Variants in ALDH7A1 observed in about 807,000 individuals in gnomAD.
ALDH7A1 encodes the protein aldehyde dehydrogenase 7 family member A1, also known as alpha-aminoadipic semialdehyde dehydrogenase.
A neutral mutation model predicts 79.9 loss-of-function variants in ALDH7A1; 63 were observed. The observed-to-expected ratio is 0.79, with a 90% CI of 0.64 to 0.97. The LOEUF (loss-of-function observed/expected upper bound fraction) is 0.97. ALDH7A1 is among the 50% of genes least tolerant of loss of function. The pLI is 0.00. For missense variants in ALDH7A1, 627 were observed against 665.2 expected (o/e 0.94, Z 0.63); for synonymous variants, 240 against 231.2 (o/e 1.04, Z -0.34).
intron 9 of ALDH7A1, 117 bp from the exon 10 acceptor site, chr5:126,561,241 T>C: frequency 1.3e-6 from 1 of 768,778 alleles, no homozygotes; most frequent in Non-Finnish European, 2.1e-6. Flanking sequence ...ATTTTTTATA[T>C]AGCCTATCCC....
intron 11 of ALDH7A1, among the ~76,000 whole-genome samples, chr5:126,557,469 G>A (rs1750235877): frequency 6.6e-6 from 1 of 151,466 alleles, no homozygotes; most frequent in Admixed American, 6.6e-5. Flanking sequence ...TGCCTGTAGT[G>A]CCAGCTACTC....
intron 5 of ALDH7A1, among the ~76,000 whole-genome samples, chr5:126,579,567 G>A (rs1301640661): frequency 3.3e-5 from 5 of 152,008 alleles, no homozygotes; most frequent in African/African-American, 7.3e-5. Context: ...TAGACTACCC[G>A]GCACCTGATA....
At chr5:126,548,241 T>C (rs572313610) in intron 16 of ALDH7A1, among the ~76,000 whole-genome samples, 1 of 152,234 alleles carries the variant, frequency 6.6e-6, no homozygotes, top group East Asian at 1.9e-4. Context: ...CCTCAAACTC[T>C]TGGCTTAAGC....
In ALDH7A1 at chr5:126,543,333, C is replaced by T. The variant is rs1387496159; in HGVS notation, c.*1632G>A. On this transcript the variant is annotated 3_prime_UTR_variant, in exon 18 of 18. Coordinates refer to ENST00000409134, the MANE Select transcript of ALDH7A1 (RefSeq NM_001182.5). The stretch of plus-strand genomic sequence containing the variant: ...ATAAATTTGTTTCAAAGAAAGCTTT[C>T]AGAATCAGTTTTACCTAAAATCTAT... The T allele has an allele frequency of 6.6e-6, 1 of 152,100 alleles. No individual in the cohort carries two copies. The highest frequency in any genetic ancestry group is 1.5e-5 in the Non-Finnish European group (1 of 68,004). 9.4% of individuals were successfully genotyped at this position (152,100 alleles called of 1,614,324 possible). A position where few individuals can be genotyped will look rare whatever the true frequency, so the allele number is the denominator to read the frequency against.
At chr5:126,563,386 C>T (rs55787828) in intron 9 of ALDH7A1, among the ~76,000 whole-genome samples, 2,662 of 152,296 alleles carry the variant, frequency 0.017, 71 homozygotes, top group African/African-American at 0.06. Flanking sequence ...TTTTATTTAG[C>T]TGTTTCTCCA....
chr5:126,584,293 A>G (rs1195831939), intron 3 of ALDH7A1: 2 of 423,768 alleles, frequency 4.7e-6, no homozygotes, highest in Non-Finnish European at 8.6e-6. Flanking sequence ...TTAAAGACAA[A>G]GGAAATAAAA....
intron 14 of ALDH7A1, among the ~76,000 whole-genome samples, chr5:126,550,701 C>A (rs1749965821): frequency 6.6e-6 from 1 of 152,184 alleles, no homozygotes. Context: ...CTAATTTGCT[C>A]AAGAGCTCAC....
At chr5:126,584,216 G>A (rs775431994) in intron 3 of ALDH7A1, 11 of 565,122 alleles carry the variant, frequency 1.9e-5, no homozygotes, top group Non-Finnish European at 3.4e-5. Flanking sequence ...GGAAGGCACA[G>A]AGGAGAAGAA....
At chr5:126,553,474 G>A (rs1750072066) in intron 13 of ALDH7A1, 1 of 152,278 alleles carries the variant, frequency 6.6e-6, no homozygotes, top group Non-Finnish European at 1.5e-5. Flanking sequence ...AGCACTTTGG[G>A]AGGCCAAGGA....
intron 6 of ALDH7A1, among the ~76,000 whole-genome samples, chr5:126,575,800 C>G (rs1750944609): frequency 6.6e-6 from 1 of 152,226 alleles, no homozygotes; most frequent in Admixed American, 6.5e-5. Flanking sequence ...AGTAAACTTC[C>G]TTGGAAAACT....
chr5:126,591,580 G>C (rs1751555206), intron 3 of ALDH7A1, among the ~76,000 whole-genome samples: 1 of 151,934 alleles, frequency 6.6e-6, no homozygotes, highest in African/African-American at 2.4e-5. Context: ...CCTGTGCCAG[G>C]CTCTCCAGTA....
intron 3 of ALDH7A1, among the ~76,000 whole-genome samples, chr5:126,590,656 G>A (rs748249729): frequency 6.6e-6 from 1 of 152,136 alleles, no homozygotes; most frequent in Non-Finnish European, 1.5e-5. Context: ...AGGCCAAAGA[G>A]GGCAGATCGT....
rs1290978761 is a variant in ALDH7A1 at position 126,542,666 on chromosome 5, A to G, written c.*2299T>C. 6.6e-6 allele frequency: 1 copy of G among 152,294 alleles called. No individual in the cohort carries two copies. Among genetic ancestry groups the G allele is most frequent in the East Asian group, 1.9e-4 (1 of 5,204 alleles). 9.4% of individuals were successfully genotyped at this position (152,294 alleles called of 1,614,324 possible). On this transcript the variant is annotated 3_prime_UTR_variant, in exon 18 of 18. Transcript: ENST00000409134. ...GGCAAAACTGAGACACCAAAAAAAAAGAAGTGTTCTGTGGTTGCAGAGCAA... is the reference window on the plus strand; with the variant it reads ...GGCAAAACTGAGACACCAAAAAAAAGGAAGTGTTCTGTGGTTGCAGAGCAA...
chr5:126,582,008 A>G lies in ALDH7A1; in HGVS notation c.517+843T>C, dbSNP rs138334619. On this transcript the variant is annotated intron_variant, in intron 5 of 17. Coordinates refer to ENST00000409134, the MANE Select transcript of ALDH7A1 (RefSeq NM_001182.5). ...AAAAAAAATGTATAGTTTGCTACAT[A>G]TTTGGCTGTACGTGCTCTAAAAAGA... 204 of 396,938 alleles carry G rather than the reference A, an allele frequency of 5.1e-4. 1 individual carries two copies. In the East Asian group the frequency reaches 7.2e-3, roughly 14 times the overall value. The allele number at this position is 396,938 out of a possible 1,614,324, so 24.6% of individuals were successfully genotyped here.
chr5:126,562,043 G>C (rs1052655856), intron 9 of ALDH7A1: 4 of 152,040 alleles, frequency 2.6e-5, no homozygotes, highest in African/African-American at 9.7e-5. Flanking sequence ...ACCAAACATA[G>C]TAAGGCAGGG....
intron 1 of ALDH7A1, 98 bp downstream of exon 1, chr5:126,594,909 C>T: frequency 6.8e-7 from 1 of 1,478,704 alleles, no homozygotes; most frequent in South Asian, 1.2e-5. Context: ...CATGCTACTA[C>T]CGCATCCAGC....
intron 9 of ALDH7A1, among the ~76,000 whole-genome samples, chr5:126,564,843 C>T (rs749243451): frequency 1.4e-4 from 21 of 152,172 alleles, no homozygotes; most frequent in Non-Finnish European, 2.6e-4. Flanking sequence ...TCTATACTTT[C>T]TACATCCTTC....
rs1464856410 is a variant in ALDH7A1 at position 126,570,923 on chromosome 5, A to C, written c.696-64T>G. The C allele has an allele frequency of 4.0e-6, 6 of 1,486,838 alleles. No homozygotes were observed. The African/African-American group carries it at 8.3e-5, about 21-fold the overall frequency. 92.1% of individuals were successfully genotyped at this position (1,486,838 alleles called of 1,614,324 possible). On this transcript the variant is annotated intron_variant, in intron 7 of 17. Coordinates refer to ENST00000409134, the MANE Select transcript of ALDH7A1 (RefSeq NM_001182.5). Reference sequence around the variant, plus strand: ...GGCATTTTTTTAAAAACAAGGAATAAATTCCAACCACTTGACTCTCCTTTT... The same window carrying C: ...GGCATTTTTTTAAAAACAAGGAATACATTCCAACCACTTGACTCTCCTTTT...
intron 7 of ALDH7A1, among the ~76,000 whole-genome samples, chr5:126,572,441 G>A (rs1750807601): frequency 6.6e-6 from 1 of 152,126 alleles, no homozygotes; most frequent in Non-Finnish European, 1.5e-5. Flanking sequence ...ATGGGTAAAG[G>A]TTAACAAACC....
Sources: gnomAD v4.1 joint callset for allele counts (sites outside exome capture counted in the v4.1 genomes callset) on GRCh38, gnomAD v4.1.1 for gene constraint, MANE v1.5 for transcripts, NCBI Gene and HGNC (gene_info 2026-07-23, HGNC 2026-07-21) for gene names.